The following MECOM variants were observed in gnomAD, a reference collection of about 807,000 sequenced individuals.
The protein encoded by MECOM is MDS1 and EVI1 complex locus.
A neutral mutation model predicts 116.3 loss-of-function variants in MECOM; 13 were observed. The observed-to-expected ratio is 0.11, with a 90% CI of 0.07 to 0.18. The LOEUF (loss-of-function observed/expected upper bound fraction) is 0.18, where lower values mean the gene tolerates loss of function less well. MECOM is among the 10% of genes least tolerant of loss of function. MECOM has a pLI of 1.00. For missense variants in MECOM, 1,299 were observed against 1,509.0 expected (o/e 0.86, Z 2.31); for synonymous variants, 528 against 535.2 (o/e 0.99, Z 0.19).
chr3:169,421,106 G>T (rs113029938), intron 1 of MECOM, among the ~76,000 whole-genome samples: 36 of 152,154 alleles, frequency 2.4e-4, no homozygotes, highest in African/African-American at 8.7e-4. Flanking sequence ...TTCAGAGAAC[G>T]GACTAAGAGG....
intron 3 of MECOM, among the ~76,000 whole-genome samples, chr3:169,137,694 T>C (rs533071014): frequency 2.4e-4 from 37 of 152,234 alleles, no homozygotes; most frequent in Middle Eastern, 3.4e-3. Context: ...ATATCTTTGG[T>C]GTGGAATTTT....
At chr3:169,087,402 G>A (rs1394744742) in intron 16 of MECOM, among the ~76,000 whole-genome samples, 4 of 151,942 alleles carry the variant, frequency 2.6e-5, no homozygotes, top group East Asian at 3.9e-4. Context: ...TTTGAGACCA[G>A]CCTGGGCAAC....
At chr3:169,147,705 G>A in intron 2 of MECOM, 3 of 979,582 alleles carry the variant, frequency 3.1e-6, no homozygotes, top group Non-Finnish European at 3.6e-6. Flanking sequence ...TGTCTTGAAA[G>A]CACAAGTGTG....
rs143101578 is a variant in MECOM, at chr3:169,413,745, C to T, written c.38-32221G>A. On this transcript the variant is annotated intron_variant, in intron 1 of 16. Transcript: ENST00000651503. ...ACTGAGGCTTGAGTAGGTGGTTTTC[C>T]CTCACAGTGTAAACAAAGCCACCAG... Among the ~76,000 whole-genome samples, 218 of 152,200 alleles carry T rather than the reference C, an allele frequency of 1.4e-3. 1 individual carries two copies. The highest frequency in any genetic ancestry group is 5.0e-3 in the African/African-American group (208 of 41,524).
At chr3:169,191,630 G>A (rs1747559022) in intron 2 of MECOM, among the ~76,000 whole-genome samples, 1 of 148,034 alleles carries the variant, frequency 6.8e-6, no homozygotes, top group African/African-American at 2.5e-5. Flanking sequence ...AAAGAAGGAG[G>A]AAATGAAGGA....
intron 2 of MECOM, among the ~76,000 whole-genome samples, chr3:169,345,119 A>G (rs1006371941): frequency 2.6e-5 from 4 of 152,166 alleles, no homozygotes; most frequent in African/African-American, 9.7e-5. Flanking sequence ...CACTAAATGC[A>G]TTAATCCAGC....
rs115656048 is a variant in MECOM at position 169,145,374 on chromosome 3, T to C, written c.376-1542A>G. The C allele has an allele frequency of 2.2e-3, 595 of 268,074 alleles. 2 individuals are homozygous for C. Among genetic ancestry groups the C allele is most frequent in the African/African-American group, 0.012 (555 of 46,240 alleles). 16.6% of individuals were successfully genotyped at this position (268,074 alleles called of 1,614,324 possible). A position where few individuals can be genotyped will look rare whatever the true frequency, so the allele number is the denominator to read the frequency against. On this transcript the variant is annotated intron_variant, in intron 2 of 16. Transcript: ENST00000651503. ...GTAACTCAAATGGCAACTTGAGATT[T>C]CCCCCCATCCCAGATGTTGAGAAGG...
At chr3:169,278,177 T>C (rs988552272) in intron 2 of MECOM, among the ~76,000 whole-genome samples, 1 of 152,238 alleles carries the variant, frequency 6.6e-6, no homozygotes, top group Admixed American at 6.5e-5. Flanking sequence ...TACCAACATA[T>C]ACAGAAATTC....
At chr3:169,539,625 C>A (rs762345572) in intron 1 of MECOM, among the ~76,000 whole-genome samples, 2 of 152,214 alleles carry the variant, frequency 1.3e-5, no homozygotes, top group Non-Finnish European at 2.9e-5. Flanking sequence ...TTTCCACTAT[C>A]CCCAGTGCAA....
Position 169,349,415 on chromosome 3 carries a change from G to A in MECOM, c.375+31772C>T, listed in dbSNP as rs372332100. Among the ~76,000 whole-genome samples, 618 of 151,942 alleles carry A rather than the reference G, an allele frequency of 4.1e-3. 3 individuals are homozygous for A. The highest frequency in any genetic ancestry group is 6.2e-3 in the Non-Finnish European group (422 of 67,924). ...ACATTGGGCCACTTCACGCTCTAGT[G>A]GGGGGCCCTCCTATGGATACAGGTA... On this transcript the variant is annotated intron_variant, in intron 2 of 16. Transcript: ENST00000651503.
In MECOM at chr3:169,153,024, G is replaced by T. The variant is rs192309518; in HGVS notation, c.376-9192C>A. 7.9e-5 allele frequency among the ~76,000 whole-genome samples: 12 copies of T among 152,188 alleles called. No individual in the cohort carries two copies. The South Asian group carries it at 8.3e-4, about 11-fold the overall frequency. On this transcript the variant is annotated intron_variant, in intron 2 of 16. Transcript: ENST00000651503. ...TTTTATTTTTTAAACTCCAGTTAAG[G>T]TTGCCATATTTAAAATATTTTTTGC...
intron 2 of MECOM, among the ~76,000 whole-genome samples, chr3:169,363,570 T>G (rs892720521): frequency 2.0e-5 from 3 of 151,952 alleles, no homozygotes; most frequent in African/African-American, 7.2e-5. Context: ...CTTCCTGAAC[T>G]TTATTGCCTG....
In MECOM at chr3:169,583,720, C is replaced by A. The variant is rs145006954; in HGVS notation, c.37+79616G>T. On this transcript the variant is annotated intron_variant, in intron 1 of 16. Transcript: ENST00000651503. Reference sequence around the variant, plus strand: ...CCAGATTGGATGCAAACAGAACTCACTACAGCCTCTACCTCCTGGATCCAA... The same window carrying A: ...CCAGATTGGATGCAAACAGAACTCAATACAGCCTCTACCTCCTGGATCCAA... Among the ~76,000 whole-genome samples the A allele has an allele frequency of 1.8e-3, 270 of 151,144 alleles. 2 individuals are homozygous for A. Among genetic ancestry groups the A allele is most frequent in the African/African-American group, 6.2e-3 (254 of 41,222 alleles).
At chr3:169,458,331 G>T (rs184013348) in intron 1 of MECOM, among the ~76,000 whole-genome samples, 1 of 152,230 alleles carries the variant, frequency 6.6e-6, no homozygotes, top group Admixed American at 6.5e-5. Flanking sequence ...TATAGCTGTG[G>T]TGTCCTGTAT....
chr3:169,358,720 T>C (rs757903877), intron 2 of MECOM, among the ~76,000 whole-genome samples: 3 of 151,690 alleles, frequency 2.0e-5, no homozygotes, highest in Non-Finnish European at 4.4e-5. Context: ...ACAGGTACTA[T>C]TTAATGCATG....
intron 10 of MECOM, among the ~76,000 whole-genome samples, chr3:169,104,408 C>T (rs1484536324): frequency 6.6e-6 from 1 of 152,086 alleles, no homozygotes; most frequent in African/African-American, 2.4e-5. Flanking sequence ...TTTGATATTC[C>T]ACCCAGCAAG....
chr3:169,491,220 G>C (rs1432068279), intron 1 of MECOM, among the ~76,000 whole-genome samples: 3 of 152,056 alleles, frequency 2.0e-5, no homozygotes, highest in Non-Finnish European at 4.4e-5. Flanking sequence ...AAGGAGAATA[G>C]ATATTGCCAC....
intron 1 of MECOM, among the ~76,000 whole-genome samples, chr3:169,576,810 C>CAA: frequency 9.5e-6 from 1 of 105,800 alleles, no homozygotes; most frequent in African/African-American, 4.3e-5. Flanking sequence ...CACACACACA[C>CAA]ACACACACAC....
intron 1 of MECOM, among the ~76,000 whole-genome samples, chr3:169,603,458 G>T (rs939703255): frequency 6.6e-6 from 1 of 152,112 alleles, no homozygotes; most frequent in Non-Finnish European, 1.5e-5. Flanking sequence ...TATACATTTA[G>T]TGTAGTCTAA....
Sources: allele counts gnomAD v4.1 joint callset (sites outside exome capture counted in the v4.1 genomes callset), GRCh38; gene constraint gnomAD v4.1.1; transcripts MANE v1.5; gene names NCBI Gene and HGNC (gene_info 2026-07-23, HGNC 2026-07-21).